Variants in ECI1 observed in about 807,000 individuals in gnomAD.
ECI1 encodes enoyl-CoA delta isomerase 1, also known as enoyl-CoA delta isomerase 1, mitochondrial.
In ECI1, 34 loss-of-function variants were observed where a neutral mutation model predicts 34.2. That is an observed-to-expected ratio of 1.00 (90% CI 0.76 to 1.33). ECI1 has a LOEUF of 1.33. Ranked by LOEUF, ECI1 falls within the 40% of genes most tolerant of loss-of-function variation. ECI1 has a pLI of 0.00. For synonymous variants in ECI1, 211 were observed against 193.0 expected (o/e 1.09, Z -0.77); for missense variants, 456 against 422.2 (o/e 1.08, Z -0.70).
chr16:2,243,007 C>T (rs750870975), intron 6 of ECI1, 39 bp downstream of exon 6: 4 of 1,544,948 alleles, frequency 2.6e-6, no homozygotes, highest in Non-Finnish European at 1.8e-6. Context: ...TTCTGGTCTC[C>T]CCAGCATCAT....
At position 2,246,922 on chromosome 16, in the gene ECI1, C is replaced by A; in HGVS notation, c.231G>T (p.Glu77Asp). The A allele has an allele frequency of 6.2e-7, 1 of 1,613,860 alleles. No homozygotes were observed. Among genetic ancestry groups the A allele is most frequent in the Non-Finnish European group, 8.5e-7 (1 of 1,180,008 alleles). Residue 77 changes from glutamate (E) to aspartate (D), a missense_variant, in exon 3 of 7, where the codon GAG (glutamate) becomes GAT (aspartate). Glu to Asp is a conservative substitution (Grantham distance 45). Transcript: ENST00000301729. ...CCAGCTTCTCCAGGCTGATGACCAG[C>A]TCCGTCAGAAACTCCAGGCTCAGGC... ...VNSLSLEFLTELVISLEKLEN... is the reference protein window; with the variant it reads ...VNSLSLEFLTDLVISLEKLEN...
At chr16:2,247,134 T>A in intron 2 of ECI1, 148 bp from the exon 3 acceptor site, 9 of 1,066,942 alleles carry the variant, frequency 8.4e-6, no homozygotes, top group Non-Finnish European at 1.2e-5. Context: ...TCTCGCTCTG[T>A]CACCCAGGCT....
At chr16:2,244,272 C>T (rs2093534930) in intron 4 of ECI1, 134 bp downstream of exon 4, 12 of 1,098,926 alleles carry the variant, frequency 1.1e-5, no homozygotes, top group South Asian at 1.1e-4. Context: ...TGGCGCTCAC[C>T]TGTGCACATC....
At chr16:2,240,373 G>A (rs146467797) in intron 6 of ECI1, 597 of 495,724 alleles carry the variant, frequency 1.2e-3, no homozygotes, top group African/African-American at 0.011. Context: ...CACCACACCC[G>A]GCTAATTTTG....
chr16:2,244,310 C>T lies in ECI1; in HGVS notation c.441+96G>A, dbSNP rs530685369. The stretch of plus-strand genomic sequence containing the variant: ...AGGGCCTCTCCAACCGTCCCCTTCC[C>T]CTGTGAGAGATTCCAAGGGCAGGAC... On this transcript the variant is annotated intron_variant, in intron 4 of 6. Transcript: ENST00000301729. The T allele has an allele frequency of 1.7e-5, 24 of 1,420,352 alleles. No individual in the cohort carries two copies. In the African/African-American group the frequency reaches 3.4e-4, roughly 20 times the overall value. The allele number at this position is 1,420,352 out of a possible 1,614,324, so 88.0% of individuals were successfully genotyped here.
In ECI1 at chr16:2,240,011, A is replaced by G. The variant is rs1037219996; in HGVS notation, c.877T>C (p.Tyr293His). The G allele has an allele frequency of 6.2e-7, 1 of 1,613,860 alleles. No individual in the cohort carries two copies. Among genetic ancestry groups the G allele is most frequent in the South Asian group, 1.1e-5 (1 of 91,090 alleles). ...KDSIQKSLQMYLERLKEEKG is the reference protein window; with the variant it reads ...KDSIQKSLQMHLERLKEEKG ...TTTTCTTCTTTGAGCCTCTCTAAGT[A>G]CATCTGCAGGGACTTCTGGATGGAG... The change falls in exon 7 of 7, where the codon TAC becomes CAC. Residue 293 changes from tyrosine to histidine, a missense_variant. Tyr to His is a moderately conservative substitution (Grantham distance 83, BLOSUM62 2). Transcript: ENST00000301729.
intron 4 of ECI1, among the ~76,000 whole-genome samples, chr16:2,243,834 C>T (rs561874151): frequency 1.1e-4 from 16 of 152,316 alleles, no homozygotes; most frequent in African/African-American, 3.6e-4. Flanking sequence ...CAGCAGCTAG[C>T]GCAACCAGGA....
In ECI1 at chr16:2,239,765, C is replaced by T; in HGVS notation, c.*214G>A. 1.7e-6 allele frequency: 1 copy of T among 591,486 alleles called. No homozygotes were observed. The highest frequency in any genetic ancestry group is 3.0e-6 in the Non-Finnish European group (1 of 330,856). The allele number at this position is 591,486 out of a possible 1,614,324, so 36.6% of individuals were successfully genotyped here. A position where few individuals can be genotyped will look rare whatever the true frequency, so the allele number is the denominator to read the frequency against. On this transcript the variant is annotated 3_prime_UTR_variant, in exon 7 of 7. Transcript: ENST00000301729. ...GTCACAATCCCAAGTCAAAAGGCTG[C>T]CCTCCAACTCCCCTTGCCTGACGGG...
intron 2 of ECI1, among the ~76,000 whole-genome samples, chr16:2,247,277 A>C (rs755434701): frequency 1.8e-4 from 27 of 151,752 alleles, no homozygotes; most frequent in Non-Finnish European, 3.7e-4. Flanking sequence ...TTTTCTTTTA[A>C]GTAGAGACAG....
chr16:2,247,063 A>C, intron 2 of ECI1, 77 bp from the exon 3 acceptor site: 1 of 1,521,990 alleles, frequency 6.6e-7, no homozygotes, highest in Non-Finnish European at 9.0e-7. Context: ...CCCTCAACTA[A>C]GCCATGATAG....
chr16:2,239,839 G>A lies in ECI1; in HGVS notation c.*140C>T, dbSNP rs2093523501. 2.2e-6 allele frequency: 2 copies of A among 929,248 alleles called. No homozygotes were observed. Among genetic ancestry groups the A allele is most frequent in the African/African-American group, 1.6e-5 (1 of 61,628 alleles). The allele number at this position is 929,248 out of a possible 1,614,324, so 57.6% of individuals were successfully genotyped here. On this transcript the variant is annotated 3_prime_UTR_variant, in exon 7 of 7. Transcript: ENST00000301729. ...GTGTGGCTGGGCCTTGGGCCACTGGGCTATGAGGAACAGGAACTTCTACGT... is the reference window on the plus strand; with the variant it reads ...GTGTGGCTGGGCCTTGGGCCACTGGACTATGAGGAACAGGAACTTCTACGT...
In ECI1 at chr16:2,239,837, G is replaced by C; in HGVS notation, c.*142C>G. ...GTGTGTGGCTGGGCCTTGGGCCACT[G>C]GGCTATGAGGAACAGGAACTTCTAC... On this transcript the variant is annotated 3_prime_UTR_variant, in exon 7 of 7. Coordinates refer to ENST00000301729, the MANE Select transcript of ECI1 (RefSeq NM_001919.4). 1 of 914,540 alleles carries C rather than the reference G, an allele frequency of 1.1e-6. No homozygotes were observed. Among genetic ancestry groups the C allele is most frequent in the African/African-American group, 1.6e-5 (1 of 61,422 alleles). The allele number at this position is 914,540 out of a possible 1,614,324, so 56.7% of individuals were successfully genotyped here.
intron 4 of ECI1, 133 bp from the exon 5 acceptor site, chr16:2,243,572 TCTGGG>T (rs1322994392): frequency 2.7e-6 from 3 of 1,109,874 alleles, no homozygotes; most frequent in African/African-American, 1.5e-5. Context: ...CCCACAATGG[TCTGGG>T]CTGGGCTGGG....
chr16:2,239,620 C>CTTA lies in ECI1; in HGVS notation c.*358_*359insTAA, dbSNP rs1567311095. 2.2e-5 allele frequency: 8 copies of CTTA among 362,696 alleles called. No homozygotes were observed. In the East Asian group the frequency reaches 5.6e-4, roughly 25 times the overall value. 22.5% of individuals were successfully genotyped at this position (362,696 alleles called of 1,614,324 possible). ...GGGGCCAAGACCACCTGGCCTTACA[C>CTTA]CTAAGAGCAGGCAGTCCAAAGGCCA... is the stretch of plus-strand genomic sequence containing the variant. On this transcript the variant is annotated 3_prime_UTR_variant, in exon 7 of 7. Coordinates refer to ENST00000301729, the MANE Select transcript of ECI1 (RefSeq NM_001919.4).
intron 2 of ECI1, among the ~76,000 whole-genome samples, chr16:2,248,495 A>G (rs893710615): frequency 1.1e-4 from 16 of 151,406 alleles, no homozygotes; most frequent in African/African-American, 3.6e-4. Context: ...GCTCACTGCA[A>G]CCTCTGCCTC....
chr16:2,249,161 T>A (rs1441153206), intron 2 of ECI1, among the ~76,000 whole-genome samples: 1 of 152,154 alleles, frequency 6.6e-6, no homozygotes, highest in Non-Finnish European at 1.5e-5. Flanking sequence ...TTCTCCTGCC[T>A]CAGCCTCCCA....
chr16:2,245,066 G>C (rs1195254738), intron 3 of ECI1, among the ~76,000 whole-genome samples: 1 of 152,152 alleles, frequency 6.6e-6, no homozygotes, highest in Non-Finnish European at 1.5e-5. Flanking sequence ...AGGTGGAAGG[G>C]ACCCTCCCAC....
At position 2,242,839 on chromosome 16, in the gene ECI1, G is replaced by A. The variant is rs908939333; in HGVS notation, c.742+207C>T. On this transcript the variant is annotated intron_variant, in intron 6 of 6. Coordinates refer to ENST00000301729, the MANE Select transcript of ECI1 (RefSeq NM_001919.4). ...GCAGTCCTGCCCACACTTTGATTTTGCACCTCTGGTCTCCAGCACCGTGAG... is the reference window on the plus strand; with the variant it reads ...GCAGTCCTGCCCACACTTTGATTTTACACCTCTGGTCTCCAGCACCGTGAG... 8.2e-6 allele frequency: 5 copies of A among 606,182 alleles called. 1 individual carries two copies. The highest frequency in any genetic ancestry group is 5.6e-5 in the East Asian group (2 of 36,010). The allele number at this position is 606,182 out of a possible 1,614,324, so 37.6% of individuals were successfully genotyped here. A position where few individuals can be genotyped will look rare whatever the true frequency, so the allele number is the denominator to read the frequency against.
chr16:2,245,555 C>T (rs1031906422), intron 3 of ECI1, among the ~76,000 whole-genome samples: 4 of 152,164 alleles, frequency 2.6e-5, no homozygotes, highest in Admixed American at 6.6e-5. Flanking sequence ...TTCTACAAAA[C>T]GCGTTCTACT....
Sources: allele counts gnomAD v4.1 joint callset (sites outside exome capture counted in the v4.1 genomes callset), GRCh38; gene constraint gnomAD v4.1.1; transcripts MANE v1.5; gene names NCBI Gene and HGNC (gene_info 2026-07-23, HGNC 2026-07-21).